Variants in COL5A2 observed in about 807,000 individuals in gnomAD.
The protein encoded by COL5A2 is collagen alpha-2(V) chain.
COL5A2 carries 23 observed loss-of-function variants against 208.2 expected under a neutral mutation model. That is an observed-to-expected ratio of 0.11 (90% CI 0.08 to 0.16). COL5A2 has a LOEUF of 0.16. COL5A2 is among the 10% of genes least tolerant of loss of function. The probability of loss-of-function intolerance (pLI) is 1.00; values close to 1 mark genes in which losing one functional copy is unlikely to be tolerated. For synonymous variants in COL5A2, 625 were observed against 628.5 expected (o/e 0.99, Z 0.08); for missense variants, 1,590 against 1,956.4 (o/e 0.81, Z 3.53).
upstream of COL5A2, among the ~76,000 whole-genome samples, chr2:189,226,907 C>T (rs925393441): frequency 2.0e-5 from 3 of 152,106 alleles, no homozygotes; most frequent in Non-Finnish European, 2.9e-5. Context: ...CATGTTGCTG[C>T]TCAGATAGGA....
intron 40 of COL5A2, 146 bp downstream of exon 40, chr2:189,052,603 T>C: frequency 4.7e-6 from 4 of 846,924 alleles, no homozygotes. Flanking sequence ...CCATCTGAGT[T>C]AAGTGCCCTT....
chr2:189,352,791 A>T, the COL5A2 span, among the ~76,000 whole-genome samples: 8 of 152,114 alleles, frequency 5.3e-5, no homozygotes, highest in Non-Finnish European at 5.9e-5. Flanking sequence ...TCTGTAGTTT[A>T]ATTAGATCCC....
intron 2 of COL5A2, among the ~76,000 whole-genome samples, chr2:189,107,467 G>A (rs1687173788): frequency 6.6e-6 from 1 of 151,110 alleles, no homozygotes. Flanking sequence ...GGGTTTTTAT[G>A]GGACCATGTT....
At chr2:189,071,376 A>G (rs1047655872) in intron 18 of COL5A2, among the ~76,000 whole-genome samples, 1 of 152,216 alleles carries the variant, frequency 6.6e-6, no homozygotes, top group Non-Finnish European at 1.5e-5. Flanking sequence ...GAATTAATTC[A>G]CCAGTTTATC....
At chr2:189,065,145 A>C in intron 23 of COL5A2, 88 bp from the exon 24 acceptor site, 1 of 1,215,492 alleles carries the variant, frequency 8.2e-7, no homozygotes, top group Non-Finnish European at 1.2e-6. Context: ...TAGCACTATA[A>C]AGTTTTAGGA....
chr2:189,161,551 G>C (rs1199394197), intron 1 of COL5A2, among the ~76,000 whole-genome samples: 1 of 152,140 alleles, frequency 6.6e-6, no homozygotes, highest in Non-Finnish European at 1.5e-5. Context: ...TAAGCTCAAT[G>C]CTATGTATAT....
At chr2:189,179,888 G>A, upstream of COL5A2, 1 of 583,618 alleles carries the variant, frequency 1.7e-6, no homozygotes, top group Non-Finnish European at 3.0e-6. Context: ...TCTGATTGAT[G>A]GTAAACAACC....
At chr2:189,247,730 C>T in the COL5A2 span, among the ~76,000 whole-genome samples, 5 of 152,008 alleles carry the variant, frequency 3.3e-5, no homozygotes, top group Non-Finnish European at 7.4e-5. Context: ...CAGGACCAAG[C>T]TTCCACACCC....
At chr2:189,113,619 T>A (rs1429218355) in intron 1 of COL5A2, among the ~76,000 whole-genome samples, 1 of 148,904 alleles carries the variant, frequency 6.7e-6, no homozygotes, top group African/African-American at 2.4e-5. Flanking sequence ...TATTATATAA[T>A]TTTAATTATA....
the COL5A2 span, among the ~76,000 whole-genome samples, chr2:189,307,724 G>A: frequency 1.3e-5 from 2 of 152,152 alleles, no homozygotes; most frequent in African/African-American, 2.4e-5. Flanking sequence ...ACCCAGATTT[G>A]GGAGTGTCAA....
At chr2:189,308,177 T>A in the COL5A2 span, among the ~76,000 whole-genome samples, 1 of 151,876 alleles carries the variant, frequency 6.6e-6, no homozygotes, top group East Asian at 1.9e-4. Context: ...ATGTGTATTG[T>A]AAGCCAAAAA....
chr2:189,050,569 C>T lies in COL5A2; in HGVS notation c.3039G>A (p.Ala1013=), dbSNP rs751945982. The T allele has an allele frequency of 1.3e-5, 20 of 1,549,792 alleles. No individual in the cohort carries two copies. The South Asian group carries it at 1.4e-4, about 11-fold the overall frequency. ...AATATTGACCGATGCAGCTACTCACCGCTGGGCCTGGTAGGCCGGGCATGC... is the reference window on the plus strand; with the variant it reads ...AATATTGACCGATGCAGCTACTCACTGCTGGGCCTGGTAGGCCGGGCATGC... The part of the protein sequence containing the change: ...ERGMPGLPGP[A]GTPGKVGPTG... Residue 1013 remains alanine (A), a splice_region_variant and synonymous_variant, in exon 43 of 54, where the codon GCG becomes GCA. Transcript: ENST00000374866.
At chr2:189,314,725 A>G in the COL5A2 span, among the ~76,000 whole-genome samples, 4 of 152,280 alleles carry the variant, frequency 2.6e-5, no homozygotes, top group East Asian at 7.7e-4. Context: ...TCAAATAAAC[A>G]CAATCATAAA....
chr2:189,340,977 T>C, the COL5A2 span, among the ~76,000 whole-genome samples: 5 of 152,142 alleles, frequency 3.3e-5, no homozygotes, highest in Non-Finnish European at 7.4e-5. Flanking sequence ...TCCAAAACAA[T>C]ATAAAAATAA....
intron 1 of COL5A2, among the ~76,000 whole-genome samples, chr2:189,194,249 A>T (rs1196897840): frequency 6.6e-6 from 1 of 152,158 alleles, no homozygotes; most frequent in African/African-American, 2.4e-5. Flanking sequence ...TCTCATCTAC[A>T]TTTTTAATAT....
intron 41 of COL5A2, 151 bp from the exon 42 acceptor site, chr2:189,051,632 C>CAAAACA: frequency 8.5e-6 from 5 of 587,368 alleles, no homozygotes; most frequent in Non-Finnish European, 1.1e-5. Context: ...AGGATTTAAA[C>CAAAACA]AAAACAAAAC....
At chr2:189,406,889 T>C in the COL5A2 span, among the ~76,000 whole-genome samples, 4 of 152,090 alleles carry the variant, frequency 2.6e-5, no homozygotes, top group African/African-American at 9.7e-5. Context: ...ATGTAATTTA[T>C]AGGTGCTGAA....
At chr2:189,364,662 C>T in the COL5A2 span, among the ~76,000 whole-genome samples, 6 of 150,792 alleles carry the variant, frequency 4.0e-5, no homozygotes, top group Admixed American at 6.6e-5. Context: ...CCAGCATGGG[C>T]GACAGAGCAA....
the COL5A2 span, among the ~76,000 whole-genome samples, chr2:189,429,138 G>A: frequency 3.3e-5 from 5 of 152,174 alleles, no homozygotes; most frequent in African/African-American, 1.2e-4. Flanking sequence ...TGATAACCAT[G>A]TGAGTTGATA....
Sources: gnomAD v4.1 joint callset for allele counts (sites outside exome capture counted in the v4.1 genomes callset) on GRCh38, gnomAD v4.1.1 for gene constraint, MANE v1.5 for transcripts, NCBI Gene and HGNC (gene_info 2026-07-23, HGNC 2026-07-21) for gene names.